DENND2B: variants seen among roughly 807,000 people sequenced by gnomAD.
DENND2B encodes the protein DENN domain-containing protein 2B.
Under a neutral mutation model 116.0 loss-of-function variants are expected in DENND2B, and 32 were observed. The ratio of observed to expected loss-of-function variants is 0.28; its 90% CI spans 0.21 to 0.37. DENND2B has a LOEUF of 0.37. Ranked by LOEUF, DENND2B falls within the 10% of genes least tolerant of loss-of-function variation. The pLI is 1.00. For missense variants in DENND2B, 1,276 were observed against 1,477.7 expected, an observed-to-expected ratio of 0.86 and a Z score of 2.24; for synonymous variants, 588 against 583.9, an observed-to-expected ratio of 1.01 and a Z score of -0.10.
At chr11:8,759,084 C>G (rs966889750) in intron 1 of DENND2B, among the ~76,000 whole-genome samples, 1 of 152,162 alleles carries the variant, frequency 6.6e-6, no homozygotes, top group South Asian at 2.1e-4. Context: ...CCCTCTGACC[C>G]GATCCCATCA....
At chr11:8,897,845 G>A (rs1166731365) in intron 1 of DENND2B, among the ~76,000 whole-genome samples, 2 of 152,108 alleles carry the variant, frequency 1.3e-5, no homozygotes. Flanking sequence ...GAGCACAGTG[G>A]CACAATTACA....
At chr11:8,706,187 G>C (rs2042567820) in intron 13 of DENND2B, among the ~76,000 whole-genome samples, 1 of 152,216 alleles carries the variant, frequency 6.6e-6, no homozygotes, top group Admixed American at 6.5e-5. Context: ...TGAGGCTGCA[G>C]TGAGCCATGA....
At chr11:8,744,633 A>C (rs2050898907) in intron 2 of DENND2B, among the ~76,000 whole-genome samples, 1 of 152,206 alleles carries the variant, frequency 6.6e-6, no homozygotes, top group Non-Finnish European at 1.5e-5. Context: ...CAGAGGGTGC[A>C]GCTAGAGACA....
intron 1 of DENND2B, among the ~76,000 whole-genome samples, chr11:8,763,565 T>C (rs2055066100): frequency 6.6e-6 from 1 of 151,242 alleles, no homozygotes. Context: ...AATGAACATC[T>C]GCAGCTACAC....
In DENND2B at chr11:8,843,173, C is replaced by A. The variant is rs561046063; in HGVS notation, c.-155-3823G>T. Among the ~76,000 whole-genome samples, 5 of 152,262 alleles carry A rather than the reference C, an allele frequency of 3.3e-5. No individual in the cohort carries two copies. In the East Asian group the frequency reaches 9.7e-4, roughly 29 times the overall value. ...CTGGGATTACAGGCAAGTGCCACCA[C>A]GCCTGGCTAATTTTTGTATTTTTTG... On this transcript the variant is annotated intron_variant, in intron 3 of 6. Transcript: ENST00000524757.
intron 1 of DENND2B, among the ~76,000 whole-genome samples, chr11:8,757,665 C>T (rs1341867168): frequency 1.3e-5 from 2 of 152,194 alleles, no homozygotes; most frequent in Non-Finnish European, 2.9e-5. Flanking sequence ...TCATTTAACC[C>T]TTTAACAACC....
intron 3 of DENND2B, among the ~76,000 whole-genome samples, chr11:8,851,994 A>C (rs1242850461): frequency 2.0e-5 from 3 of 152,192 alleles, no homozygotes; most frequent in Non-Finnish European, 1.5e-5. Context: ...CAAAGCCACC[A>C]GTAGAGGAGA....
At chr11:8,850,145 A>G (rs1027679302) in intron 3 of DENND2B, among the ~76,000 whole-genome samples, 1 of 152,230 alleles carries the variant, frequency 6.6e-6, no homozygotes, top group Non-Finnish European at 1.5e-5. Context: ...ACACACACAC[A>G]CAAAAACTGA....
At chr11:8,881,834 C>A (rs987267682) in intron 1 of DENND2B, among the ~76,000 whole-genome samples, 1 of 152,212 alleles carries the variant, frequency 6.6e-6, no homozygotes, top group Non-Finnish European at 1.5e-5. Flanking sequence ...CGTGAGCCAG[C>A]ATGCCCGGCC....
intron 2 of DENND2B, 147 bp downstream of exon 2, chr11:8,750,474 T>C: frequency 3.0e-6 from 2 of 666,902 alleles, no homozygotes; most frequent in East Asian, 2.6e-5. Flanking sequence ...CTAGAAAATA[T>C]CTTCTGCCTA....
intron 11 of DENND2B, among the ~76,000 whole-genome samples, chr11:8,708,796 A>G (rs1414256193): frequency 6.6e-6 from 1 of 152,168 alleles, no homozygotes; most frequent in Non-Finnish European, 1.5e-5. Flanking sequence ...CACTAAAAAT[A>G]CAAAATTAGC....
chr11:8,698,137 C>T (rs200584947), intron 16 of DENND2B, among the ~76,000 whole-genome samples: 1 of 39,808 alleles, frequency 2.5e-5, no homozygotes, highest in Non-Finnish European at 4.9e-5. Flanking sequence ...ACCCTGTCTC[C>T]AAAAAAAAAA....
At chr11:8,753,944 C>T (rs145176746) in intron 1 of DENND2B, among the ~76,000 whole-genome samples, 20 of 151,586 alleles carry the variant, frequency 1.3e-4, no homozygotes, top group African/African-American at 3.9e-4. Context: ...GCTACAATTA[C>T]AAAAGCAACG....
chr11:8,742,002 C>T (rs188029180), intron 2 of DENND2B, among the ~76,000 whole-genome samples: 218 of 152,316 alleles, frequency 1.4e-3, no homozygotes, highest in African/African-American at 5.0e-3. Context: ...GCGAGCCTCC[C>T]GCCTCAGCCT....
intron 1 of DENND2B, among the ~76,000 whole-genome samples, chr11:8,777,289 G>C (rs1427118818): frequency 6.6e-6 from 1 of 152,152 alleles, no homozygotes; most frequent in Non-Finnish European, 1.5e-5. Flanking sequence ...GTAAAAAAGA[G>C]ATCCTAAGAC....
At chr11:8,886,233 C>A in intron 1 of DENND2B, among the ~76,000 whole-genome samples, 1 of 152,172 alleles carries the variant, frequency 6.6e-6, no homozygotes, top group East Asian at 1.9e-4. Flanking sequence ...CCACGCCCAG[C>A]CTAGAAATAT....
In DENND2B at chr11:8,695,603, G is replaced by C. The variant is rs1306589038; in HGVS notation, c.3293-54C>G. ...AGAACAGTCATTGGAGGAAGGGAAG[G>C]AGAGGCCTACATGAAGGGAACCATG... On this transcript the variant is annotated intron_variant, in intron 18 of 19. Transcript: ENST00000313726. The C allele has an allele frequency of 1.1e-5, 17 of 1,519,294 alleles. No individual in the cohort carries two copies. In the African/African-American group the frequency reaches 1.5e-4, roughly 13 times the overall value. The allele number at this position is 1,519,294 out of a possible 1,614,324, so 94.1% of individuals were successfully genotyped here.
rs577936600 is a variant in DENND2B at position 8,700,633 on chromosome 11, G to A, written c.2721-1243C>T. 7.9e-5 allele frequency among the ~76,000 whole-genome samples: 12 copies of A among 152,260 alleles called. 2 individuals are homozygous for A. The South Asian group carries it at 2.5e-3, about 32-fold the overall frequency. On this transcript the variant is annotated intron_variant, in intron 14 of 19. Transcript: ENST00000313726. ...CTTCACTGCCCTCCTGTGAGCACCT[G>A]ACATTTAAGGTGGCTTAATCAATGT...
At chr11:8,761,782 G>A (rs560436374) in intron 1 of DENND2B, among the ~76,000 whole-genome samples, 4 of 151,966 alleles carry the variant, frequency 2.6e-5, no homozygotes, top group Non-Finnish European at 5.9e-5. Context: ...CCTTCTCCGA[G>A]TAAGACTAGG....
Sources: gnomAD v4.1 joint callset for allele counts (sites outside exome capture counted in the v4.1 genomes callset) on GRCh38, gnomAD v4.1.1 for gene constraint, MANE v1.5 for transcripts, NCBI Gene and HGNC (gene_info 2026-07-23, HGNC 2026-07-21) for gene names.